The following MCC variants were observed in gnomAD, a reference collection of about 807,000 sequenced individuals.
MCC encodes the protein colorectal mutant cancer protein.
Under a neutral mutation model 116.2 loss-of-function variants are expected in MCC, and 90 were observed. The observed-to-expected ratio is 0.77, with a 90% CI of 0.65 to 0.92. The LOEUF is 0.92. Ranked by LOEUF, MCC falls within the 40% of genes least tolerant of loss-of-function variation. The pLI is 0.00. For synonymous variants in MCC, 578 were observed against 510.5 expected (o/e 1.13, Z -1.78); for missense variants, 1,516 against 1,312.2 (o/e 1.16, Z -2.40).
chr5:113,327,869 G>A (rs1188501928), intron 3 of MCC, among the ~76,000 whole-genome samples: 3 of 151,664 alleles, frequency 2.0e-5, no homozygotes, highest in Non-Finnish European at 2.9e-5. Context: ...ATACCTCAGT[G>A]TGGAAAATAT....
intron 5 of MCC, among the ~76,000 whole-genome samples, chr5:113,127,043 C>A (rs892819590): frequency 1.3e-5 from 2 of 152,062 alleles, no homozygotes; most frequent in African/African-American, 4.8e-5. Flanking sequence ...GCAAGTAGGC[C>A]CCAATGTCTG....
intron 3 of MCC, among the ~76,000 whole-genome samples, chr5:113,156,025 T>C (rs1760150877): frequency 1.3e-5 from 2 of 152,168 alleles, no homozygotes; most frequent in African/African-American, 2.4e-5. Flanking sequence ...TTTGGTATCT[T>C]ATGTGATGGA....
chr5:113,170,387 G>C (rs147946396), intron 3 of MCC, among the ~76,000 whole-genome samples: 1 of 152,116 alleles, frequency 6.6e-6, no homozygotes, highest in South Asian at 2.1e-4. Flanking sequence ...TAGGCAAGAA[G>C]GGACATTTCC....
chr5:113,460,640 C>A (rs1196866965), intron 1 of MCC, among the ~76,000 whole-genome samples: 1 of 152,164 alleles, frequency 6.6e-6, no homozygotes, highest in African/African-American at 2.4e-5. Context: ...CACAGAGCAT[C>A]AAAAGATGCT....
chr5:113,186,853 T>C (rs890594705), intron 3 of MCC, among the ~76,000 whole-genome samples: 2 of 152,080 alleles, frequency 1.3e-5, no homozygotes, highest in African/African-American at 4.8e-5. Flanking sequence ...TTGGGAACAA[T>C]GTCTGCAGAC....
intron 13 of MCC, 82 bp from the exon 14 acceptor site, chr5:113,064,249 T>A: frequency 2.3e-6 from 3 of 1,292,994 alleles, no homozygotes; most frequent in Non-Finnish European, 3.2e-6. Context: ...TAATTAACTC[T>A]GTTACTTAGG....
At chr5:113,427,773 G>C (rs1223243040) in intron 1 of MCC, among the ~76,000 whole-genome samples, 1 of 152,056 alleles carries the variant, frequency 6.6e-6, no homozygotes, top group African/African-American at 2.4e-5. Context: ...TTCTCTGCAG[G>C]AATATTGTTA....
intron 2 of MCC, among the ~76,000 whole-genome samples, chr5:113,375,765 G>A (rs1241482983): frequency 2.6e-5 from 4 of 152,154 alleles, no homozygotes; most frequent in Non-Finnish European, 1.5e-5. Flanking sequence ...GAATGAAGAA[G>A]CTGCAAGGGA....
chr5:113,142,515 T>C (rs948999411), intron 5 of MCC, among the ~76,000 whole-genome samples: 1 of 151,886 alleles, frequency 6.6e-6, no homozygotes, highest in Non-Finnish European at 1.5e-5. Context: ...CCAGTTATTG[T>C]TATGAAAAGA....
intron 3 of MCC, among the ~76,000 whole-genome samples, chr5:113,291,521 C>T (rs536372691): frequency 4.6e-5 from 7 of 152,204 alleles, no homozygotes; most frequent in African/African-American, 1.7e-4. Context: ...TTTATGATAC[C>T]CAGGATAATG....
At chr5:113,401,051 T>C (rs146475627) in intron 1 of MCC, among the ~76,000 whole-genome samples, 30 of 152,294 alleles carry the variant, frequency 2.0e-4, no homozygotes, top group African/African-American at 2.4e-4. Flanking sequence ...ACCTAATACA[T>C]AGGTTTTGGG....
At chr5:113,250,335 C>A (rs548910761) in intron 3 of MCC, among the ~76,000 whole-genome samples, 2 of 152,304 alleles carry the variant, frequency 1.3e-5, no homozygotes, top group East Asian at 3.9e-4. Flanking sequence ...CGTGGGAAAA[C>A]TGGAAGATTG....
chr5:113,287,168 A>C (rs557944284), intron 3 of MCC, among the ~76,000 whole-genome samples: 2 of 152,306 alleles, frequency 1.3e-5, no homozygotes, highest in East Asian at 3.9e-4. Flanking sequence ...TCCAAGTCCT[A>C]ACTAATATCT....
At chr5:113,096,788 G>T (rs1756053474) in intron 8 of MCC, among the ~76,000 whole-genome samples, 1 of 152,164 alleles carries the variant, frequency 6.6e-6, no homozygotes, top group Admixed American at 6.5e-5. Context: ...GAAACAACGT[G>T]CCATGCCACT....
At chr5:113,299,218 G>A (rs1766788753) in intron 3 of MCC, among the ~76,000 whole-genome samples, 1 of 148,130 alleles carries the variant, frequency 6.8e-6, no homozygotes, top group African/African-American at 2.5e-5. Flanking sequence ...AACCTGGGAG[G>A]CGGAGGTTGC....
intron 3 of MCC, among the ~76,000 whole-genome samples, chr5:113,298,548 T>A (rs540297426): frequency 6.6e-6 from 1 of 152,104 alleles, no homozygotes; most frequent in South Asian, 2.1e-4. Context: ...AGATAAGCAA[T>A]GTTGAATAGA....
Position 113,029,087 on chromosome 5 carries a change from G to A in MCC, c.2757-31C>T, listed in dbSNP as rs76185569. 1,936 of 1,593,310 alleles carry A rather than the reference G, an allele frequency of 1.2e-3. 24 individuals are homozygous for A. In the African/African-American group the frequency reaches 0.024, roughly 19 times the overall value. On this transcript the variant is annotated intron_variant, in intron 17 of 18. Transcript: ENST00000408903. Reference sequence around the variant, plus strand: ...TTAAAGGAGACAAAATATGCCAGGAGTAGTTTGAGATGATGCTGGAGGTGC... The same window carrying A: ...TTAAAGGAGACAAAATATGCCAGGAATAGTTTGAGATGATGCTGGAGGTGC...
At chr5:113,085,035 T>C in intron 9 of MCC, 129 bp downstream of exon 9, 1 of 1,279,646 alleles carries the variant, frequency 7.8e-7, no homozygotes, top group African/African-American at 1.5e-5. Flanking sequence ...AAGGCCTGCG[T>C]AAGGTCCCAG....
chr5:113,294,751 CAG>C, intron 3 of MCC: 1 of 993,796 alleles, frequency 1.0e-6, no homozygotes, highest in Non-Finnish European at 1.2e-6. Flanking sequence ...CCCCCATTAC[CAG>C]GATGGAGGGC....
Sources: allele counts gnomAD v4.1 joint callset (sites outside exome capture counted in the v4.1 genomes callset), GRCh38; gene constraint gnomAD v4.1.1; transcripts MANE v1.5; gene names NCBI Gene and HGNC (gene_info 2026-07-23, HGNC 2026-07-21).